KCNQ5: variants seen among roughly 807,000 people sequenced by gnomAD.
The protein encoded by KCNQ5 is potassium voltage-gated channel subfamily Q member 5, also known as potassium voltage-gated channel subfamily KQT member 5.
Under a neutral mutation model 98.2 loss-of-function variants are expected in KCNQ5, and 30 were observed. That is an observed-to-expected ratio of 0.31 (90% CI 0.23 to 0.41). The LOEUF (loss-of-function observed/expected upper bound fraction) is 0.41, where lower values mean the gene tolerates loss of function less well. KCNQ5 is among the 10% of genes least tolerant of loss of function. KCNQ5 has a pLI of 1.00. For synonymous variants in KCNQ5, 458 were observed against 449.4 expected (o/e 1.02, Z -0.24); for missense variants, 835 against 1,182.5 (o/e 0.71, Z 4.31).
chr6:72,951,804 G>A (rs1562089431), intron 1 of KCNQ5, among the ~76,000 whole-genome samples: 1 of 152,130 alleles, frequency 6.6e-6, no homozygotes, highest in Non-Finnish European at 1.5e-5. Context: ...CAAGGGCAAA[G>A]TTTAACTCTT....
At chr6:72,771,229 A>G (rs1772858058) in intron 1 of KCNQ5, among the ~76,000 whole-genome samples, 1 of 152,102 alleles carries the variant, frequency 6.6e-6, no homozygotes, top group Non-Finnish European at 1.5e-5. Flanking sequence ...GCAGGTCTCA[A>G]AAAGTAAGTA....
rs1490522137 is a variant in KCNQ5 at position 73,195,279 on chromosome 6, C to T, written c.2664C>T (p.Ala888=). The change falls in exon 14 of 14, where the codon GCC becomes GCT. Residue 888 remains alanine, a synonymous_variant. Coordinates refer to ENST00000370398, the MANE Select transcript of KCNQ5 (RefSeq NM_019842.4). ...PEETETDTFD[A]APQPAREAAF... ...AGACAGAGACAGACACTTTTGATGC[C>T]GCACCGCAGCCTGCCAGGGAAGCTG... The T allele has an allele frequency of 1.2e-5, 19 of 1,614,020 alleles. No individual in the cohort carries two copies. The highest frequency in any genetic ancestry group is 3.3e-4 in the Middle Eastern group (2 of 6,084).
intron 1 of KCNQ5, among the ~76,000 whole-genome samples, chr6:72,745,927 G>A (rs1210057842): frequency 6.6e-6 from 1 of 151,900 alleles, no homozygotes; most frequent in African/African-American, 2.4e-5. Flanking sequence ...GTCATCACAT[G>A]GCTTTTTGCC....
intron 1 of KCNQ5, among the ~76,000 whole-genome samples, chr6:72,827,302 C>CTGT (rs1408505987): frequency 2.0e-5 from 3 of 152,158 alleles, no homozygotes; most frequent in African/African-American, 7.2e-5. Flanking sequence ...AACCTCCATA[C>CTGT]TGTTCTCTAG....
At chr6:72,674,711 A>G (rs1245135311) in intron 1 of KCNQ5, among the ~76,000 whole-genome samples, 2 of 152,184 alleles carry the variant, frequency 1.3e-5, no homozygotes, top group African/African-American at 2.4e-5. Context: ...CAGAGGTTGC[A>G]GTGAGCTGAG....
chr6:72,882,677 T>A (rs1581952202), intron 1 of KCNQ5, among the ~76,000 whole-genome samples: 3 of 152,294 alleles, frequency 2.0e-5, no homozygotes, highest in Admixed American at 2.0e-4. Context: ...AAATCAACAT[T>A]TTAAAATTCA....
chr6:73,111,710 A>T (rs1775248466), intron 7 of KCNQ5, among the ~76,000 whole-genome samples: 1 of 152,218 alleles, frequency 6.6e-6, no homozygotes, highest in African/African-American at 2.4e-5. Context: ...ATGTCTTATG[A>T]ATTACTTGAT....
chr6:72,861,103 ATAGGAT>A (rs78858465), intron 1 of KCNQ5, among the ~76,000 whole-genome samples: 39,832 of 151,716 alleles, frequency 0.26, 5,312 homozygotes, highest in South Asian at 0.31. Context: ...TCCCAGACTG[ATAGGAT>A]TAGAAGAGTG....
At chr6:73,047,488 T>C (rs972325703) in intron 3 of KCNQ5, among the ~76,000 whole-genome samples, 1 of 152,210 alleles carries the variant, frequency 6.6e-6, no homozygotes, top group African/African-American at 2.4e-5. Flanking sequence ...AAACTATCGG[T>C]AATTTAGATA....
At chr6:72,755,145 A>G (rs1203109903) in intron 1 of KCNQ5, among the ~76,000 whole-genome samples, 1 of 152,062 alleles carries the variant, frequency 6.6e-6, no homozygotes, top group East Asian at 1.9e-4. Context: ...TGATAGTAAT[A>G]CAGTCACTCC....
chr6:73,008,156 A>AG (rs1367231332), intron 2 of KCNQ5, among the ~76,000 whole-genome samples: 1 of 152,174 alleles, frequency 6.6e-6, no homozygotes, highest in East Asian at 1.9e-4. Flanking sequence ...ACAAAAAAAA[A>AG]ATGAACTAAA....
intron 1 of KCNQ5, among the ~76,000 whole-genome samples, chr6:72,946,097 T>C (rs1176030492): frequency 2.6e-5 from 4 of 152,190 alleles, no homozygotes; most frequent in Non-Finnish European, 2.9e-5. Flanking sequence ...GCAGAGGTCA[T>C]GCAGATATCC....
At chr6:73,082,674 C>A (rs1233262385) in intron 5 of KCNQ5, among the ~76,000 whole-genome samples, 1 of 152,124 alleles carries the variant, frequency 6.6e-6, no homozygotes, top group Non-Finnish European at 1.5e-5. Flanking sequence ...AGTTTACTTG[C>A]CCACTTATGT....
chr6:72,741,008 A>G (rs879916149), intron 1 of KCNQ5, among the ~76,000 whole-genome samples: 3 of 152,228 alleles, frequency 2.0e-5, no homozygotes, highest in Admixed American at 6.5e-5. Context: ...TTCCTGGTGA[A>G]AAACTTAAAA....
intron 1 of KCNQ5, among the ~76,000 whole-genome samples, chr6:72,761,603 A>G (rs775345428): frequency 6.6e-5 from 10 of 151,850 alleles, no homozygotes; most frequent in Non-Finnish European, 1.0e-4. Flanking sequence ...CACCATTTTT[A>G]TAATTATTCT....
chr6:73,167,532 T>C (rs1175488462), intron 10 of KCNQ5, among the ~76,000 whole-genome samples: 1 of 152,194 alleles, frequency 6.6e-6, no homozygotes, highest in Non-Finnish European at 1.5e-5. Context: ...AATTTCTGCA[T>C]CTGAAAATTG....
intron 2 of KCNQ5, among the ~76,000 whole-genome samples, chr6:73,004,852 G>T (rs993704887): frequency 7.9e-5 from 12 of 152,202 alleles, no homozygotes; most frequent in Non-Finnish European, 2.9e-5. Flanking sequence ...GAAGCAGGGG[G>T]AGGAAAACGG....
Position 72,635,640 on chromosome 6 carries a change from T to C in KCNQ5, c.398+13053T>C, listed in dbSNP as rs866330205. On this transcript the variant is annotated intron_variant, in intron 1 of 13. Coordinates refer to ENST00000370398, the MANE Select transcript of KCNQ5 (RefSeq NM_019842.4). ...ACTTTCCCTTTCCCCTTGGTCTTAT[T>C]GTATTTTTCTTCCAGTTAAATTGCT... Among the ~76,000 whole-genome samples, 3 of 151,692 alleles carry C rather than the reference T, an allele frequency of 2.0e-5. No homozygotes were observed. In the South Asian group the frequency reaches 6.2e-4, roughly 31 times the overall value.
chr6:72,623,554 G>C (rs1193070787), intron 1 of KCNQ5, among the ~76,000 whole-genome samples: 1 of 152,120 alleles, frequency 6.6e-6, no homozygotes, highest in Admixed American at 6.5e-5. Context: ...TTCCCACAAA[G>C]TCCATTCATT....
Sources: gnomAD v4.1 joint callset for allele counts (sites outside exome capture counted in the v4.1 genomes callset) on GRCh38, gnomAD v4.1.1 for gene constraint, MANE v1.5 for transcripts, NCBI Gene and HGNC (gene_info 2026-07-23, HGNC 2026-07-21) for gene names.